Variants in HK2 observed in about 807,000 individuals in gnomAD.
The protein encoded by HK2 is hexokinase-2.
A neutral mutation model predicts 92.9 loss-of-function variants in HK2; 42 were observed. The observed-to-expected ratio is 0.45, with a 90% CI of 0.35 to 0.58. The LOEUF is 0.58. HK2 is among the 20% of genes least tolerant of loss of function. The pLI is 0.00. For missense variants in HK2, 978 were observed against 1,245.1 expected (o/e 0.79, Z 3.23); for synonymous variants, 422 against 468.0 (o/e 0.90, Z 1.27).
At chr2:74,862,707 T>A (rs1688858423) in intron 2 of HK2, among the ~76,000 whole-genome samples, 1 of 152,240 alleles carries the variant, frequency 6.6e-6, no homozygotes, top group Admixed American at 6.5e-5. Context: ...AAATTGAAGA[T>A]TGTACTGATA....
chr2:74,834,435 G>C lies in HK2; in HGVS notation c.-146G>C, dbSNP rs1688096862. 10 of 786,832 alleles carry C rather than the reference G, an allele frequency of 1.3e-5. No homozygotes were observed. In the South Asian group the frequency reaches 1.5e-4, roughly 12 times the overall value. 48.7% of individuals were successfully genotyped at this position (786,832 alleles called of 1,614,324 possible). On this transcript the variant is annotated 5_prime_UTR_variant, in exon 1 of 18. Coordinates refer to ENST00000290573, the MANE Select transcript of HK2 (RefSeq NM_000189.5). This position sits in a 1 kb window ranked among gnomAD's most constrained non-coding sequence, Gnocchi z 4.2. ...TCCGCCAGCCGGGCGCACCCTCGCC[G>C]GTAGCCTTCTTTGTGCGCCGTCCGG... is the stretch of plus-strand genomic sequence containing the variant.
In HK2 at chr2:74,880,541, C is replaced by T; in HGVS notation, c.1542C>T (p.Thr514=). The T allele has an allele frequency of 6.2e-7, 1 of 1,614,150 alleles. No homozygotes were observed. Among genetic ancestry groups the T allele is most frequent in the Non-Finnish European group, 8.5e-7 (1 of 1,179,986 alleles). ...GTGCCCCCGTCAAGATGCTGCCCAC[C>T]TACGTGTGTGCTACCCCGGACGGCA... is the stretch of plus-strand genomic sequence containing the variant. ...HASAPVKMLP[T]YVCATPDGTE... The change falls in exon 10 of 18, where the codon ACC becomes ACT. Residue 514 remains threonine (T), a synonymous_variant. Coordinates refer to ENST00000290573, the MANE Select transcript of HK2 (RefSeq NM_000189.5).
intron 17 of HK2, among the ~76,000 whole-genome samples, 176 bp downstream of exon 17, chr2:74,889,654 C>T (rs1480104116): frequency 6.6e-6 from 1 of 152,018 alleles, no homozygotes; most frequent in Non-Finnish European, 1.5e-5. Flanking sequence ...TGTGTTTCAC[C>T]CCCCACCGTG....
intron 1 of HK2, among the ~76,000 whole-genome samples, chr2:74,846,299 C>T (rs761659559): frequency 1.4e-5 from 2 of 141,718 alleles, no homozygotes; most frequent in African/African-American, 2.7e-5. Flanking sequence ...TAAACTTGGG[C>T]CAAGTCAGTG....
chr2:74,865,742 G>C (rs1688930414), intron 2 of HK2, among the ~76,000 whole-genome samples: 1 of 152,106 alleles, frequency 6.6e-6, no homozygotes, highest in Admixed American at 6.5e-5. Context: ...CGTCACTGGA[G>C]CCAATTCCAG....
rs140604042 is a variant in HK2 at position 74,886,354 on chromosome 2, G to A, written c.1996G>A (p.Gly666Ser). Residue 666 changes from glycine (G) to serine (S), a missense_variant, in exon 14 of 18, where the codon GGC becomes AGC. Around this residue, in one of 3 missense-constraint regions of HK2, gnomAD observed 742 missense variants for 922.5 expected, o/e 0.80. Transcript: ENST00000290573. Reference protein sequence around the residue: ...NDTVGTMMTCGFEDPHCEVGL... With the variant: ...NDTVGTMMTCSFEDPHCEVGL... Reference sequence around the variant, plus strand: ...CACAGTCGGAACTATGATGACCTGTGGCTTTGAAGACCCTCACTGTGAAGT... The same window carrying A: ...CACAGTCGGAACTATGATGACCTGTAGCTTTGAAGACCCTCACTGTGAAGT... 1.6e-4 allele frequency: 252 copies of A among 1,614,040 alleles called. No homozygotes were observed. Among genetic ancestry groups the A allele is most frequent in the Admixed American group, 4.2e-4 (25 of 60,002 alleles).
chr2:74,840,646 T>C (rs1688285792), intron 1 of HK2, among the ~76,000 whole-genome samples: 1 of 148,094 alleles, frequency 6.8e-6, no homozygotes, highest in Admixed American at 6.8e-5. Context: ...GGCGGGCGGA[T>C]CACGAGGTCA....
intron 7 of HK2, among the ~76,000 whole-genome samples, chr2:74,876,492 C>T (rs143304345): frequency 4.6e-5 from 7 of 152,312 alleles, no homozygotes; most frequent in African/African-American, 7.2e-5. Context: ...ATCACCGGAC[C>T]GCACTGCTGG....
chr2:74,840,007 G>A (rs189447893), intron 1 of HK2, among the ~76,000 whole-genome samples: 16 of 137,416 alleles, frequency 1.2e-4, no homozygotes, highest in African/African-American at 4.5e-4. Flanking sequence ...CCAGGCTGGA[G>A]TACAGTGGCG....
At chr2:74,875,327 GTT>G (rs61418530) in intron 7 of HK2, among the ~76,000 whole-genome samples, 3 of 112,078 alleles carry the variant, frequency 2.7e-5, no homozygotes, top group African/African-American at 3.5e-5. Flanking sequence ...CCTTGCTTTC[GTT>G]TTTTTTTTTT....
At chr2:74,885,812 T>C (rs1027826203) in intron 13 of HK2, among the ~76,000 whole-genome samples, 7 of 149,108 alleles carry the variant, frequency 4.7e-5, no homozygotes, top group African/African-American at 1.8e-4. Context: ...ATAAAGTCCA[T>C]GACCTAGTGG....
At chr2:74,838,712 G>A (rs1224740203) in intron 1 of HK2, among the ~76,000 whole-genome samples, 2 of 151,174 alleles carry the variant, frequency 1.3e-5, no homozygotes, top group African/African-American at 4.9e-5. Flanking sequence ...GTATTTTTTT[G>A]TATTTTTAGT....
Position 74,873,223 on chromosome 2 carries a change from G to T in HK2, c.496-53G>T, listed in dbSNP as rs143342355. 4,743 of 1,329,792 alleles carry T rather than the reference G, an allele frequency of 3.6e-3. 22 individuals carry two copies. Among genetic ancestry groups the T allele is most frequent in the Middle Eastern group, 0.014 (67 of 4,890 alleles). The allele number at this position is 1,329,792 out of a possible 1,614,324, so 82.4% of individuals were successfully genotyped here. On this transcript the variant is annotated intron_variant, in intron 4 of 17. Coordinates refer to ENST00000290573, the MANE Select transcript of HK2 (RefSeq NM_000189.5). ...ATGACGGAGGTTTGAGGGGTGTGGTGTGAGTTTCAGTTTTAGTGGGAAATC... is the reference window on the plus strand; with the variant it reads ...ATGACGGAGGTTTGAGGGGTGTGGTTTGAGTTTCAGTTTTAGTGGGAAATC...
intron 2 of HK2, among the ~76,000 whole-genome samples, chr2:74,861,921 G>A (rs1688839272): frequency 6.6e-6 from 1 of 152,174 alleles, no homozygotes; most frequent in Non-Finnish European, 1.5e-5. Flanking sequence ...GGCAGTGTCA[G>A]ATCGATCATT....
At chr2:74,869,930 G>C (rs953877053) in intron 3 of HK2, among the ~76,000 whole-genome samples, 7 of 152,082 alleles carry the variant, frequency 4.6e-5, no homozygotes, top group African/African-American at 1.7e-4. Context: ...TGACCCTGTG[G>C]CATCGAGCCC....
chr2:74,884,686 G>A (rs1689478770), intron 12 of HK2, among the ~76,000 whole-genome samples: 1 of 152,236 alleles, frequency 6.6e-6, no homozygotes, highest in East Asian at 1.9e-4. Context: ...GGTGGGTTAT[G>A]AGCACACAGC....
At chr2:74,859,094 A>T (rs1688756966) in intron 2 of HK2, among the ~76,000 whole-genome samples, 1 of 152,222 alleles carries the variant, frequency 6.6e-6, no homozygotes, top group Admixed American at 6.5e-5. Flanking sequence ...TTTCCCAAAC[A>T]GTTTTAAGAA....
chr2:74,867,640 C>A lies in HK2; in HGVS notation c.231C>A (p.His77Gln). The A allele has an allele frequency of 6.2e-7, 1 of 1,613,126 alleles. No individual in the cohort carries two copies. Among genetic ancestry groups the A allele is most frequent in the South Asian group, 1.1e-5 (1 of 91,018 alleles). ...FVRSTPDGTEHGEFLALDLGG... is the reference protein window; with the variant it reads ...FVRSTPDGTEQGEFLALDLGG... ...TGGCCCTTCCTTTCTCTGCAGAACA[C>A]GGAGAGTTCCTGGCTCTGGATCTTG... is the stretch of plus-strand genomic sequence containing the variant. Residue 77 changes from histidine to glutamine, a missense_variant, in exon 3 of 18, where the codon CAC becomes CAA. Physicochemically the swap from His to Gln is conservative, Grantham distance 24. Around this residue, in one of 3 missense-constraint regions of HK2, gnomAD observed 189 missense variants for 289.5 expected, o/e 0.65. Coordinates refer to ENST00000290573, the MANE Select transcript of HK2 (RefSeq NM_000189.5).
intron 3 of HK2, among the ~76,000 whole-genome samples, chr2:74,870,614 G>C (rs374544363): frequency 7.1e-6 from 1 of 140,618 alleles, no homozygotes; most frequent in African/African-American, 2.7e-5. Flanking sequence ...ATTTTGACTA[G>C]AGTGCCAGGA....
Sources: allele counts gnomAD v4.1 joint callset (sites outside exome capture counted in the v4.1 genomes callset), GRCh38; gene constraint gnomAD v4.1.1; regional missense constraint gnomAD v4.1.1; non-coding constraint Gnocchi (gnomAD v3.1); transcripts MANE v1.5; gene names NCBI Gene and HGNC (gene_info 2026-07-23, HGNC 2026-07-21).